Variants in DNAH10 observed in about 807,000 individuals in gnomAD.
The protein encoded by DNAH10 is dynein axonemal heavy chain 10.
In DNAH10, 348 loss-of-function variants were observed where a neutral mutation model predicts 506.6. That is an observed-to-expected ratio of 0.69 (90% confidence interval 0.63 to 0.75). The LOEUF (loss-of-function observed/expected upper bound fraction) is 0.75, where lower values mean the gene tolerates loss of function less well. DNAH10 is among the 30% of genes least tolerant of loss of function. The pLI is 0.00. For synonymous variants in DNAH10, 2,059 were observed against 2,198.6 expected (o/e 0.94, Z 1.78); for missense variants, 5,179 against 5,787.1 (o/e 0.89, Z 3.41).
chr12:123,839,792 A>T (rs1157323164), intron 29 of DNAH10, among the ~76,000 whole-genome samples: 1 of 151,506 alleles, frequency 6.6e-6, no homozygotes, highest in African/African-American at 2.4e-5. Context: ...CCTCCCGAGT[A>T]GCTGGGACTA....
intron 46 of DNAH10, among the ~76,000 whole-genome samples, chr12:123,874,539 C>T (rs1952167558): frequency 6.6e-6 from 1 of 151,270 alleles, no homozygotes; most frequent in Non-Finnish European, 1.5e-5. Context: ...ATCCATCTAC[C>T]CATCTGTTCA....
rs1343154630 is a variant in DNAH10 at position 123,907,986 on chromosome 12, A to G, written c.9816-1275A>G. Among the ~76,000 whole-genome samples the G allele has an allele frequency of 6.6e-6, 1 of 151,500 alleles. No homozygotes were observed. The highest frequency in any genetic ancestry group is 2.1e-4 in the South Asian group (1 of 4,796). ...TTCTCTCCTCTGCTGTCTGTGTGGG[A>G]GTGTGTGAGGGTTCCGGGGTCAGGA... On this transcript the variant is annotated intron_variant, in intron 57 of 78. Coordinates refer to ENST00000673944, the MANE Select transcript of DNAH10 (RefSeq NM_001372106.1). This position sits in a 1 kb window ranked among gnomAD's most constrained non-coding sequence, Gnocchi z 4.4.
chr12:123,823,726 C>T (rs1190101587), intron 24 of DNAH10, among the ~76,000 whole-genome samples: 1 of 152,118 alleles, frequency 6.6e-6, no homozygotes, highest in Non-Finnish European at 1.5e-5. Flanking sequence ...ATGTCCATCC[C>T]CTCAAGCTTT....
chr12:123,845,569 A>G (rs370994572), intron 30 of DNAH10, 31 bp from the exon 31 acceptor site: 79 of 1,608,138 alleles, frequency 4.9e-5, no homozygotes, highest in African/African-American at 1.2e-4. Context: ...CGGATTGATC[A>G]GAGCCTCTTA....
chr12:123,877,444 A>G (rs1478764441), intron 47 of DNAH10, among the ~76,000 whole-genome samples: 2 of 152,000 alleles, frequency 1.3e-5, no homozygotes, highest in Non-Finnish European at 2.9e-5. Context: ...CCTGAGTAGC[A>G]GGAATTACAG....
chr12:123,814,430 T>C lies in DNAH10; in HGVS notation c.3780+518T>C, dbSNP rs181201496. On this transcript the variant is annotated intron_variant, in intron 21 of 78. Coordinates refer to ENST00000673944, the MANE Select transcript of DNAH10 (RefSeq NM_001372106.1). Reference sequence around the variant, plus strand: ...AAGAAAGTCAAGTTTTTGGCCCAGGTCTACTGCTCAGCAAGGGCATTTGTG... The same window carrying C: ...AAGAAAGTCAAGTTTTTGGCCCAGGCCTACTGCTCAGCAAGGGCATTTGTG... Among the ~76,000 whole-genome samples the C allele has an allele frequency of 2.9e-3, 436 of 152,214 alleles. 1 individual carries two copies. Among genetic ancestry groups the C allele is most frequent in the African/African-American group, 9.5e-3 (396 of 41,536 alleles).
At chr12:123,922,688 T>C (rs1239666798) in intron 65 of DNAH10, among the ~76,000 whole-genome samples, 1 of 152,200 alleles carries the variant, frequency 6.6e-6, no homozygotes, top group Non-Finnish European at 1.5e-5. Flanking sequence ...CTCCTTAGGA[T>C]GCTCCCCTTG....
intron 56 of DNAH10, among the ~76,000 whole-genome samples, chr12:123,901,047 C>T (rs897120040): frequency 3.9e-5 from 6 of 152,198 alleles, no homozygotes; most frequent in African/African-American, 1.2e-4. Context: ...GCAAACAATC[C>T]TCTCTCCTGA....
At chr12:123,794,837 A>T (rs1958214414) in intron 12 of DNAH10, among the ~76,000 whole-genome samples, 1 of 142,012 alleles carries the variant, frequency 7.0e-6, no homozygotes, top group Non-Finnish European at 1.5e-5. Context: ...ACAGAGTGAA[A>T]CCCTGTCTAA....
intron 51 of DNAH10, among the ~76,000 whole-genome samples, chr12:123,884,008 C>T (rs928458004): frequency 2.0e-5 from 3 of 152,126 alleles, no homozygotes; most frequent in African/African-American, 7.2e-5. Context: ...TTTCATGACT[C>T]TTCTCCTCCT....
Position 123,916,821 on chromosome 12 carries a change from A to ATT in DNAH10, c.11002+87_11002+88dup. 1 of 1,474,870 alleles carries ATT rather than the reference A, an allele frequency of 6.8e-7. No individual in the cohort carries two copies. Among genetic ancestry groups the ATT allele is most frequent in the Non-Finnish European group, 9.0e-7 (1 of 1,106,112 alleles). The allele number at this position is 1,474,870 out of a possible 1,614,324, so 91.4% of individuals were successfully genotyped here. ...CAGATCAAGGCATTCATGGGACATCATTTCACTCAGTGACCCCAGATCATT... is the reference window on the plus strand; with the variant it reads ...CAGATCAAGGCATTCATGGGACATCATTTTTCACTCAGTGACCCCAGATCATT... On this transcript the variant is annotated intron_variant, in intron 63 of 78. Transcript: ENST00000673944. This position sits in a 1 kb window ranked among gnomAD's most constrained non-coding sequence, Gnocchi z 4.6.
At chr12:123,839,066 G>A (rs914452607) in intron 29 of DNAH10, among the ~76,000 whole-genome samples, 5 of 152,144 alleles carry the variant, frequency 3.3e-5, no homozygotes, top group Admixed American at 2.0e-4. Context: ...CTCCCACCTC[G>A]GCCTCCCAAA....
At chr12:123,904,270 CT>C (rs1201791204) in intron 57 of DNAH10, among the ~76,000 whole-genome samples, 1 of 152,098 alleles carries the variant, frequency 6.6e-6, no homozygotes, top group Non-Finnish European at 1.5e-5. Flanking sequence ...AACTTCAGCA[CT>C]AGGCGTTGGA....
intron 27 of DNAH10, 77 bp downstream of exon 27, chr12:123,833,424 TA>T: frequency 8.9e-7 from 1 of 1,121,498 alleles, no homozygotes; most frequent in Non-Finnish European, 1.3e-6. Context: ...ATTTTGTGCT[TA>T]GAACTTTTAT....
Position 123,762,654 on chromosome 12 carries a change from G to C in DNAH10, c.214+104G>C. ...TAGAGCCTGCCCATCGTCCGGCCCC[G>C]GCCTCAGGTGCTGTCCACAAACGCT... On this transcript the variant is annotated intron_variant, in intron 1 of 78. Transcript: ENST00000673944. This position sits in a 1 kb window ranked among gnomAD's most constrained non-coding sequence, Gnocchi z 5.0. 1 of 1,254,114 alleles carries C rather than the reference G, an allele frequency of 8.0e-7. No individual in the cohort carries two copies. Among genetic ancestry groups the C allele is most frequent in the Non-Finnish European group, 1.1e-6 (1 of 928,656 alleles). 77.7% of individuals were successfully genotyped at this position (1,254,114 alleles called of 1,614,324 possible).
chr12:123,847,462 C>T (rs1951006998), intron 32 of DNAH10, among the ~76,000 whole-genome samples: 2 of 152,152 alleles, frequency 1.3e-5, no homozygotes, highest in East Asian at 3.8e-4. Flanking sequence ...AGGCCAGTAG[C>T]ATTTGAAGTT....
chr12:123,798,753 A>T (rs182674952), intron 13 of DNAH10, among the ~76,000 whole-genome samples: 404 of 148,270 alleles, frequency 2.7e-3, no homozygotes, highest in Admixed American at 5.1e-3. Context: ...TATTTATTAT[A>T]TTTATAATGT....
intron 8 of DNAH10, 29 bp downstream of exon 8, chr12:123,784,206 C>A (rs1463187310): frequency 1.3e-6 from 2 of 1,587,782 alleles, no homozygotes; most frequent in South Asian, 1.1e-5. Context: ...ACTTTGCAGT[C>A]AGCTCTGTCA....
Position 123,931,764 on chromosome 12 carries a change from A to G in DNAH10, c.13045A>G (p.Thr4349Ala), listed in dbSNP as rs1264175985. 1.2e-6 allele frequency: 2 copies of G among 1,613,972 alleles called. No homozygotes were observed. The highest frequency in any genetic ancestry group is 1.1e-5 in the South Asian group (1 of 91,080). ...GCGCCTCGGAACAGGACTCTCCCCC[A>G]CTTCGGTGGTGCTCCTGCAGGAACT... is the stretch of plus-strand genomic sequence containing the variant. ...RKRLGTGLSPTSVVLLQELER... is the reference protein window; with the variant it reads ...RKRLGTGLSPASVVLLQELER... The change falls in exon 75 of 79, where the codon ACT becomes GCT. Residue 4349 changes from threonine (T) to alanine (A), a missense_variant. Physicochemically the swap from Thr to Ala is moderately conservative, Grantham distance 58. This residue lies in a region of DNAH10 where 4,844 missense variants were observed against 5,430.5 expected (regional missense o/e 0.89). Transcript: ENST00000673944.
Sources: gnomAD v4.1 joint callset for allele counts (sites outside exome capture counted in the v4.1 genomes callset) on GRCh38, gnomAD v4.1.1 for gene constraint, gnomAD v4.1.1 regional missense constraint, Gnocchi (gnomAD v3.1) non-coding constraint, MANE v1.5 for transcripts, NCBI Gene and HGNC (gene_info 2026-07-23, HGNC 2026-07-21) for gene names.